SV2C: variants seen among roughly 807,000 people sequenced by gnomAD.
The protein encoded by SV2C is synaptic vesicle glycoprotein 2C.
In SV2C, 49 loss-of-function variants were observed where a neutral mutation model predicts 79.7. The ratio of observed to expected loss-of-function variants is 0.61; its 90% confidence interval spans 0.49 to 0.78. The LOEUF (loss-of-function observed/expected upper bound fraction) is 0.78. Ranked by LOEUF, SV2C falls within the 30% of genes least tolerant of loss-of-function variation. The pLI is 0.00. For missense variants in SV2C, 833 were observed against 912.9 expected (o/e 0.91, Z 1.13); for synonymous variants, 334 against 333.2 (o/e 1.00, Z -0.03).
chr5:76,287,159 G>A (rs1315633635), intron 6 of SV2C, among the ~76,000 whole-genome samples: 2 of 152,068 alleles, frequency 1.3e-5, no homozygotes, highest in Non-Finnish European at 2.9e-5. Flanking sequence ...TTTATTCATA[G>A]GCCTTATTAT....
At chr5:76,219,010 T>C (rs1026410628) in intron 4 of SV2C, among the ~76,000 whole-genome samples, 1 of 152,206 alleles carries the variant, frequency 6.6e-6, no homozygotes, top group Non-Finnish European at 1.5e-5. Context: ...AGATTAGAAG[T>C]ACAGGAACAG....
intron 4 of SV2C, among the ~76,000 whole-genome samples, chr5:76,264,706 T>A (rs1746588680): frequency 6.6e-6 from 1 of 152,226 alleles, no homozygotes; most frequent in Non-Finnish European, 1.5e-5. Flanking sequence ...TCTGCAGGTC[T>A]GCTGCAGTTT....
chr5:76,089,481 A>G (rs536742337), intron 1 of SV2C, among the ~76,000 whole-genome samples: 5 of 152,340 alleles, frequency 3.3e-5, no homozygotes, highest in African/African-American at 9.6e-5. Flanking sequence ...TAGCACTGCA[A>G]TGAACATACA....
At chr5:76,105,598 C>T (rs997666104) in intron 1 of SV2C, among the ~76,000 whole-genome samples, 36 of 152,254 alleles carry the variant, frequency 2.4e-4, no homozygotes, top group South Asian at 4.2e-4. Context: ...AGTTTTTCTT[C>T]CTTGCAGTTG....
chr5:76,164,354 A>G (rs1338136084), intron 2 of SV2C, among the ~76,000 whole-genome samples: 3 of 152,252 alleles, frequency 2.0e-5, no homozygotes, highest in Non-Finnish European at 4.4e-5. Context: ...TCCATGCAAC[A>G]GCCACATACG....
chr5:76,271,616 C>CTTTTTTTTTTTTTTTTTTTT (rs34458409), intron 4 of SV2C, among the ~76,000 whole-genome samples: 7 of 96,062 alleles, frequency 7.3e-5, no homozygotes, highest in Admixed American at 2.6e-4. Context: ...AGCATGTGTT[C>CTTTTTTTTTTTTTTTTTTTT]TTTTTTTTTT....
the SV2C span, among the ~76,000 whole-genome samples, chr5:75,955,171 A>C: frequency 1.3e-5 from 2 of 151,360 alleles, no homozygotes; most frequent in African/African-American, 4.9e-5. Context: ...TAACCAAAAC[A>C]ACATGGTACT....
the SV2C span, among the ~76,000 whole-genome samples, chr5:76,043,211 T>A: frequency 6.6e-6 from 1 of 152,170 alleles, no homozygotes; most frequent in Non-Finnish European, 1.5e-5. Context: ...GCAGCCAGCC[T>A]CCAACATGGT....
chr5:76,154,958 A>G (rs781071321), intron 2 of SV2C, among the ~76,000 whole-genome samples: 5 of 152,224 alleles, frequency 3.3e-5, no homozygotes, highest in African/African-American at 4.8e-5. Flanking sequence ...GGTAGATAAA[A>G]GAAGAGAGGG....
chr5:76,092,824 A>G (rs1484681819), intron 1 of SV2C, among the ~76,000 whole-genome samples: 3 of 151,798 alleles, frequency 2.0e-5, no homozygotes, highest in Non-Finnish European at 2.9e-5. Context: ...TCATCCTTCA[A>G]TCCTCAGCTC....
the SV2C span, among the ~76,000 whole-genome samples, chr5:75,852,255 T>G: frequency 6.6e-6 from 1 of 152,162 alleles, no homozygotes; most frequent in East Asian, 1.9e-4. Flanking sequence ...ATGGCACGTG[T>G]ATACCTATGT....
At chr5:76,174,349 A>T (rs1743456184) in intron 2 of SV2C, among the ~76,000 whole-genome samples, 1 of 152,188 alleles carries the variant, frequency 6.6e-6, no homozygotes, top group Non-Finnish European at 1.5e-5. Context: ...AATCTGGGCG[A>T]GGTTTTCTCA....
the SV2C span, among the ~76,000 whole-genome samples, chr5:75,948,908 CT>C: frequency 6.6e-6 from 1 of 151,904 alleles, no homozygotes; most frequent in Admixed American, 6.6e-5. Flanking sequence ...AGAACTTTGG[CT>C]TTTGTGATGA....
the SV2C span, among the ~76,000 whole-genome samples, chr5:75,931,941 C>T: frequency 1.3e-5 from 2 of 152,162 alleles, no homozygotes; most frequent in African/African-American, 2.4e-5. Flanking sequence ...CTCACCTGAA[C>T]AGCAGCCTCT....
chr5:76,260,116 CTT>C lies in SV2C; in HGVS notation c.914-25042_914-25041del, dbSNP rs1172179438. Reference sequence around the variant, plus strand: ...TCCTCTCCAGCATGTTGTTTCCTAACTTTTTAATGATCGCCATTCTAACTGGC... The same window carrying C: ...TCCTCTCCAGCATGTTGTTTCCTAACTTTAATGATCGCCATTCTAACTGGC... On this transcript the variant is annotated intron_variant, in intron 4 of 12. Transcript: ENST00000502798. Among the ~76,000 whole-genome samples the C allele has an allele frequency of 3.9e-5, 6 of 152,140 alleles. No individual in the cohort carries two copies. In the East Asian group the frequency reaches 9.6e-4, roughly 24 times the overall value.
At chr5:76,200,131 A>C (rs978732012) in intron 3 of SV2C, among the ~76,000 whole-genome samples, 1 of 152,220 alleles carries the variant, frequency 6.6e-6, no homozygotes, top group Non-Finnish European at 1.5e-5. Flanking sequence ...AAGGCAGGTA[A>C]TCAATGGTGT....
the SV2C span, among the ~76,000 whole-genome samples, chr5:75,923,328 A>G: frequency 1.3e-5 from 2 of 152,212 alleles, no homozygotes; most frequent in Non-Finnish European, 2.9e-5. Flanking sequence ...TCTAGAAGAT[A>G]ACATCAGAAA....
intron 2 of SV2C, among the ~76,000 whole-genome samples, chr5:76,190,255 A>G (rs1211394822): frequency 6.6e-6 from 1 of 152,222 alleles, no homozygotes; most frequent in Admixed American, 6.5e-5. Context: ...GTTTTGCAGT[A>G]TAAAAGAGAG....
intron 4 of SV2C, among the ~76,000 whole-genome samples, chr5:76,212,235 A>G (rs1744787525): frequency 6.6e-6 from 1 of 152,162 alleles, no homozygotes; most frequent in African/African-American, 2.4e-5. Context: ...TATAGGAACT[A>G]TGTTTAAGAA....
Sources: gnomAD v4.1 joint callset for allele counts (sites outside exome capture counted in the v4.1 genomes callset) on GRCh38, gnomAD v4.1.1 for gene constraint, MANE v1.5 for transcripts, NCBI Gene and HGNC (gene_info 2026-07-23, HGNC 2026-07-21) for gene names.